Variants in CTNNA3 observed in about 807,000 individuals in gnomAD.
CTNNA3 encodes the protein catenin alpha 3.
Under a neutral mutation model 95.7 loss-of-function variants are expected in CTNNA3, and 76 were observed. That is an observed-to-expected ratio of 0.79 (90% CI 0.66 to 0.96). CTNNA3 has a LOEUF of 0.96. Among genes scored for constraint, CTNNA3 ranks in the 40% least tolerant of loss-of-function variants. CTNNA3 has a pLI of 0.00. For missense variants in CTNNA3, 1,191 were observed against 1,089.8 expected (o/e 1.09, Z -1.31); for synonymous variants, 431 against 374.4 (o/e 1.15, Z -1.74).
chr10:67,154,776 C>G (rs533660160), intron 7 of CTNNA3, among the ~76,000 whole-genome samples: 2 of 152,246 alleles, frequency 1.3e-5, no homozygotes, highest in South Asian at 4.1e-4. Flanking sequence ...TACCTGCCTC[C>G]CAGTCTCATC....
intron 1 of CTNNA3, among the ~76,000 whole-genome samples, chr10:67,709,782 C>A (rs957438334): frequency 3.9e-5 from 6 of 152,154 alleles, no homozygotes; most frequent in African/African-American, 1.4e-4. Context: ...AGTGACCCCA[C>A]TCTGGTCACT....
chr10:67,067,852 G>A lies in CTNNA3; in HGVS notation c.1047+112465C>T, dbSNP rs1856187881. Among the ~76,000 whole-genome samples, 6 of 152,320 alleles carry A rather than the reference G, an allele frequency of 3.9e-5. No individual in the cohort carries two copies. The South Asian group carries it at 1.2e-3, about 32-fold the overall frequency. ...TCTCAGTCTCATGAATAAATGCAATGAAATATGACAAACGCTTGGCTGAAA... is the reference window on the plus strand; with the variant it reads ...TCTCAGTCTCATGAATAAATGCAATAAAATATGACAAACGCTTGGCTGAAA... On this transcript the variant is annotated intron_variant, in intron 7 of 17. Coordinates refer to ENST00000433211, the MANE Select transcript of CTNNA3 (RefSeq NM_013266.4).
At position 66,798,661 on chromosome 10, in the gene CTNNA3, T is replaced by G. The variant is rs148100696; in HGVS notation, c.1048-23137A>C. On this transcript the variant is annotated intron_variant, in intron 7 of 17. Transcript: ENST00000433211. ...GAAATAGTGCATTGAATTCTAGGAG[T>G]TGAGGTGCATACAGGTAAACTTTGA... Among the ~76,000 whole-genome samples the G allele has an allele frequency of 4.4e-3, 669 of 151,340 alleles. 8 individuals are homozygous for G. Among genetic ancestry groups the G allele is most frequent in the Middle Eastern group, 0.017 (5 of 294 alleles).
At chr10:66,840,358 TCTCTCTCTCTCTCTCACACACACACA>T (rs1297523759) in intron 7 of CTNNA3, among the ~76,000 whole-genome samples, 12 of 123,212 alleles carry the variant, frequency 9.7e-5, no homozygotes, top group Non-Finnish European at 1.3e-4. Context: ...TCTCTCTCTC[TCTCTCTCTCTCTCTCACACACACACA>T]CACACACACA....
At chr10:66,675,752 C>T (rs547509776) in intron 9 of CTNNA3, among the ~76,000 whole-genome samples, 11 of 152,208 alleles carry the variant, frequency 7.2e-5, no homozygotes, top group East Asian at 5.8e-4. Flanking sequence ...TTTATTGGCA[C>T]AGATACCATT....
chr10:66,581,622 T>A (rs1331356567), intron 10 of CTNNA3, among the ~76,000 whole-genome samples: 1 of 151,734 alleles, frequency 6.6e-6, no homozygotes, highest in Non-Finnish European at 1.5e-5. Flanking sequence ...AATGATTATT[T>A]ATTTTGCTGT....
chr10:66,949,390 C>A (rs1229462556), intron 7 of CTNNA3, among the ~76,000 whole-genome samples: 2 of 152,022 alleles, frequency 1.3e-5, no homozygotes, highest in Admixed American at 6.6e-5. Context: ...AACCCCGTCT[C>A]TACTAAAAAA....
intron 12 of CTNNA3, among the ~76,000 whole-genome samples, chr10:66,319,633 G>C (rs976231469): frequency 6.6e-6 from 1 of 152,076 alleles, no homozygotes. Flanking sequence ...CCTTTGCCCT[G>C]ATATTTTAAT....
chr10:67,118,416 C>A (rs530998428), intron 7 of CTNNA3, among the ~76,000 whole-genome samples: 8 of 152,048 alleles, frequency 5.3e-5, no homozygotes, highest in African/African-American at 1.7e-4. Flanking sequence ...ACATGCCCTT[C>A]TCACTTCTGC....
chr10:67,760,341 G>A (rs1255461107), intron 1 of CTNNA3, among the ~76,000 whole-genome samples: 2 of 152,122 alleles, frequency 1.3e-5, no homozygotes, highest in South Asian at 2.1e-4. Context: ...ATATGCCATT[G>A]TGCCAGAGAC....
intron 7 of CTNNA3, among the ~76,000 whole-genome samples, chr10:67,129,469 T>C (rs893584922): frequency 1.3e-5 from 2 of 152,162 alleles, no homozygotes; most frequent in African/African-American, 4.8e-5. Flanking sequence ...CAAACAGTTA[T>C]GAATTAAATC....
At chr10:67,177,942 G>A (rs567543355) in intron 7 of CTNNA3, among the ~76,000 whole-genome samples, 3 of 152,292 alleles carry the variant, frequency 2.0e-5, no homozygotes, top group Admixed American at 6.5e-5. Flanking sequence ...ACCTGCTACT[G>A]CACATAGGAT....
intron 3 of CTNNA3, among the ~76,000 whole-genome samples, chr10:67,587,002 A>G (rs1187785029): frequency 6.6e-6 from 1 of 151,836 alleles, no homozygotes; most frequent in Non-Finnish European, 1.5e-5. Context: ...ATGATGGTAA[A>G]TGTCCTTTTC....
At position 67,713,953 on chromosome 10, in the gene CTNNA3, TA is replaced by T. The variant is rs113131998; in HGVS notation, c.-2+49480del. ...TGTATCCCAGAACTTAAAGTAAAATTAAAAAAAAAAAAGAATTGAGGTTTGG... is the reference window on the plus strand; with the variant it reads ...TGTATCCCAGAACTTAAAGTAAAATTAAAAAAAAAAAGAATTGAGGTTTGG... On this transcript the variant is annotated intron_variant, in intron 1 of 17. Transcript: ENST00000684154. 2.3e-3 allele frequency among the ~76,000 whole-genome samples: 332 copies of T among 143,510 alleles called. 2 individuals are homozygous for T. Among genetic ancestry groups the T allele is most frequent in the East Asian group, 2.6e-3 (13 of 4,998 alleles). 94.1% of individuals were successfully genotyped at this position (143,510 alleles called of 152,430 possible). A position where few individuals can be genotyped will look rare whatever the true frequency, so the allele number is the denominator to read the frequency against.
At chr10:67,463,482 A>C (rs546020799) in intron 5 of CTNNA3, among the ~76,000 whole-genome samples, 1 of 152,196 alleles carries the variant, frequency 6.6e-6, no homozygotes, top group Non-Finnish European at 1.5e-5. Flanking sequence ...TCGCCTTTCT[A>C]GCTGAACTTA....
chr10:67,372,040 T>C (rs1389662221), intron 5 of CTNNA3, among the ~76,000 whole-genome samples: 1 of 152,216 alleles, frequency 6.6e-6, no homozygotes, highest in Non-Finnish European at 1.5e-5. Flanking sequence ...TTGAGAAGTG[T>C]CTGTTCATAT....
intron 12 of CTNNA3, among the ~76,000 whole-genome samples, chr10:66,337,394 T>C (rs991579223): frequency 3.3e-5 from 5 of 152,208 alleles, no homozygotes; most frequent in Non-Finnish European, 5.9e-5. Flanking sequence ...ACTGCATTTG[T>C]CCAACCAGCT....
intron 7 of CTNNA3, among the ~76,000 whole-genome samples, chr10:66,833,591 C>T (rs920790625): frequency 6.6e-6 from 1 of 152,262 alleles, no homozygotes; most frequent in Middle Eastern, 3.4e-3. Flanking sequence ...CATTGACTTA[C>T]TCACCATCAA....
chr10:67,747,337 A>G (rs1841379806), intron 1 of CTNNA3, among the ~76,000 whole-genome samples: 1 of 152,226 alleles, frequency 6.6e-6, no homozygotes, highest in South Asian at 2.1e-4. Flanking sequence ...GGGTCACCGG[A>G]CACCTTATAC....
Sources: gnomAD v4.1 joint callset for allele counts (sites outside exome capture counted in the v4.1 genomes callset) on GRCh38, gnomAD v4.1.1 for gene constraint, MANE v1.5 for transcripts, NCBI Gene and HGNC (gene_info 2026-07-23, HGNC 2026-07-21) for gene names.